Variants in GSE1 observed in about 807,000 individuals in gnomAD.
The protein encoded by GSE1 is genetic suppressor element 1.
Under a neutral mutation model 112.6 loss-of-function variants are expected in GSE1, and 32 were observed. That is an observed-to-expected ratio of 0.28 (90% CI 0.21 to 0.38). GSE1 has a LOEUF of 0.38. GSE1 is among the 10% of genes least tolerant of loss of function. The pLI, the probability that GSE1 is intolerant of heterozygous loss-of-function variation, is 1.00. For synonymous variants in GSE1, 1,115 were observed against 735.6 expected (o/e 1.52, Z -8.35); for missense variants, 2,348 against 1,699.2 (o/e 1.38, Z -6.71).
intron 1 of GSE1, among the ~76,000 whole-genome samples, chr16:85,604,849 G>A (rs1324817813): frequency 3.3e-5 from 1 of 30,082 alleles, no homozygotes; most frequent in Non-Finnish European, 5.8e-5. Context: ...ATGGAGTCTC[G>A]CTCTGTCGCC....
At chr16:85,631,933 C>G (rs1012078513) in intron 1 of GSE1, among the ~76,000 whole-genome samples, 1 of 152,264 alleles carries the variant, frequency 6.6e-6, no homozygotes, top group East Asian at 1.9e-4. Context: ...GCGGGGGACA[C>G]GCAGAGGCCA....
In GSE1 at chr16:85,475,321, G is replaced by A. The variant is rs114431910; in HGVS notation, c.2464+117678G>A. Among the ~76,000 whole-genome samples, 909 of 152,318 alleles carry A rather than the reference G, an allele frequency of 6.0e-3. 10 individuals are homozygous for A. Among genetic ancestry groups the A allele is most frequent in the African/African-American group, 0.021 (876 of 41,566 alleles). On this transcript the variant is annotated intron_variant, in intron 2 of 2. Coordinates refer to the GSE1 transcript ENST00000637419. ...GCTGAATCTGTGATCAGTGCTGGGG[G>A]CCCCTCAGGGCTGCCTGTACCTGGG...
intron 1 of GSE1, among the ~76,000 whole-genome samples, chr16:85,280,093 G>C (rs1436735706): frequency 6.6e-6 from 1 of 152,206 alleles, no homozygotes; most frequent in Non-Finnish European, 1.5e-5. Context: ...GCGCTCGGAA[G>C]GTCTGCAGCA....
intron 1 of GSE1, among the ~76,000 whole-genome samples, chr16:85,253,372 C>G (rs1906724860): frequency 6.6e-6 from 1 of 152,320 alleles, no homozygotes; most frequent in South Asian, 2.1e-4. Flanking sequence ...TCGCTGTCCC[C>G]TGCCAGATCC....
chr16:85,423,134 G>A (rs2048890405), intron 2 of GSE1, among the ~76,000 whole-genome samples: 1 of 152,228 alleles, frequency 6.6e-6, no homozygotes, highest in Non-Finnish European at 1.5e-5. Context: ...CTCATCATTT[G>A]CCCCACCCCT....
intron 1 of GSE1, among the ~76,000 whole-genome samples, chr16:85,564,376 G>A (rs572980760): frequency 6.6e-6 from 1 of 152,206 alleles, no homozygotes; most frequent in African/African-American, 2.4e-5. Context: ...CCCTGCCCAC[G>A]TTGTGGTGTT....
At chr16:85,247,013 G>C (rs1347561998) in intron 1 of GSE1, among the ~76,000 whole-genome samples, 1 of 152,078 alleles carries the variant, frequency 6.6e-6, no homozygotes, top group Non-Finnish European at 1.5e-5. Flanking sequence ...CTAGAGGGGG[G>C]CACCGCCTTC....
chr16:85,513,476 G>T (rs1428070530), intron 2 of GSE1, among the ~76,000 whole-genome samples: 2 of 152,100 alleles, frequency 1.3e-5, no homozygotes, highest in African/African-American at 4.8e-5. Flanking sequence ...GGGGGCTCCT[G>T]CAGGCTACCC....
chr16:85,364,031 C>T (rs2047135855), intron 2 of GSE1, among the ~76,000 whole-genome samples: 1 of 152,246 alleles, frequency 6.6e-6, no homozygotes, highest in South Asian at 2.1e-4. Flanking sequence ...TACTCTCACA[C>T]GCACACATAG....
chr16:85,561,348 T>G (rs2045512588), intron 1 of GSE1, among the ~76,000 whole-genome samples: 1 of 151,904 alleles, frequency 6.6e-6, no homozygotes, highest in Non-Finnish European at 1.5e-5. Context: ...GGCTCCAGAG[T>G]CCCTGCTTCA....
chr16:85,281,672 G>C (rs1378553456), intron 1 of GSE1, among the ~76,000 whole-genome samples: 2 of 152,126 alleles, frequency 1.3e-5, no homozygotes, highest in Non-Finnish European at 2.9e-5. Flanking sequence ...CTCCTACCTG[G>C]TCACCGTGGG....
At chr16:85,608,753 C>T (rs1019498504), upstream of GSE1, among the ~76,000 whole-genome samples, 1 of 152,246 alleles carries the variant, frequency 6.6e-6, no homozygotes, top group Admixed American at 6.5e-5. Flanking sequence ...ATGCGCTGAG[C>T]AGCGCTGGCT....
intron 1 of GSE1, among the ~76,000 whole-genome samples, chr16:85,350,329 A>C (rs2046828113): frequency 6.6e-6 from 1 of 152,080 alleles, no homozygotes; most frequent in Non-Finnish European, 1.5e-5. Context: ...CCTGGGGTGC[A>C]CCTGGAGCTT....
chr16:85,523,405 T>G (rs892965253), intron 2 of GSE1, among the ~76,000 whole-genome samples: 1 of 152,228 alleles, frequency 6.6e-6, no homozygotes, highest in African/African-American at 2.4e-5. Flanking sequence ...CCATCCTCCA[T>G]GCTCAGGAAG....
intron 1 of GSE1, among the ~76,000 whole-genome samples, chr16:85,348,919 A>C (rs1436664835): frequency 6.8e-6 from 1 of 146,770 alleles, no homozygotes; most frequent in Admixed American, 6.8e-5. Flanking sequence ...CTGACCCCCC[A>C]GCTGCGGCGC....
rs1178367559 is a variant in GSE1 at position 85,673,432 on chromosome 16, T to G, written c.*893T>G. ...ATGTGGTTTGGGGGATTTTTGTTTG[T>G]TTTTCCTGTTTGGGGGTTTTGTTTG... On this transcript the variant is annotated 3_prime_UTR_variant, in exon 16 of 16. Coordinates refer to ENST00000253458, the MANE Select transcript of GSE1 (RefSeq NM_014615.5). 6.6e-6 allele frequency: 1 copy of G among 151,956 alleles called. No individual in the cohort carries two copies. The highest frequency in any genetic ancestry group is 1.5e-5 in the Non-Finnish European group (1 of 67,962). 9.4% of individuals were successfully genotyped at this position (151,956 alleles called of 1,614,324 possible).
intron 1 of GSE1, among the ~76,000 whole-genome samples, chr16:85,578,329 G>A (rs892456446): frequency 5.3e-5 from 8 of 152,142 alleles, no homozygotes; most frequent in Non-Finnish European, 8.8e-5. Context: ...AGCCTGTCCC[G>A]AACGCCAGGC....
intron 2 of GSE1, among the ~76,000 whole-genome samples, chr16:85,445,445 G>T (rs981316068): frequency 1.3e-5 from 2 of 152,200 alleles, no homozygotes; most frequent in African/African-American, 4.8e-5. Context: ...AGCGAGGGGG[G>T]GCGGCCAGTC....
chr16:85,246,923 G>C (rs550226320), intron 1 of GSE1, among the ~76,000 whole-genome samples: 1 of 152,036 alleles, frequency 6.6e-6, no homozygotes, highest in Non-Finnish European at 1.5e-5. Flanking sequence ...GGCTAGGTTG[G>C]GTTACCCCCT....
Sources: gnomAD v4.1 joint callset for allele counts (sites outside exome capture counted in the v4.1 genomes callset) on GRCh38, gnomAD v4.1.1 for gene constraint, MANE v1.5 for transcripts, NCBI Gene and HGNC (gene_info 2026-07-23, HGNC 2026-07-21) for gene names.